Variants in CSMD1 observed in about 807,000 individuals in gnomAD.
CSMD1 encodes CUB and sushi domain-containing protein 1.
In CSMD1, 213 loss-of-function variants were observed where a neutral mutation model predicts 417.5. The ratio of observed to expected loss-of-function variants is 0.51; its 90% confidence interval spans 0.46 to 0.57. CSMD1 has a LOEUF of 0.57. Among genes scored for constraint, CSMD1 ranks in the 20% least tolerant of loss-of-function variants. CSMD1 has a pLI of 0.00. For missense variants in CSMD1, 6,923 were observed against 4,529.7 expected (o/e 1.53, Z -15.17); for synonymous variants, 2,862 against 1,736.8 (o/e 1.65, Z -16.11).
chr8:4,161,434 G>A (rs538585619), intron 3 of CSMD1, among the ~76,000 whole-genome samples: 1 of 152,144 alleles, frequency 6.6e-6, no homozygotes, highest in South Asian at 2.1e-4. Context: ...TTTTAGAAGA[G>A]AAAATTGAAA....
At chr8:4,129,141 T>C (rs1004880911) in intron 3 of CSMD1, among the ~76,000 whole-genome samples, 2 of 151,826 alleles carry the variant, frequency 1.3e-5, no homozygotes, top group African/African-American at 2.4e-5. Context: ...TTTTGTTTCA[T>C]CTGTACTTAT....
chr8:4,320,058 G>T (rs552659877), intron 3 of CSMD1, among the ~76,000 whole-genome samples: 5 of 152,100 alleles, frequency 3.3e-5, no homozygotes, highest in Non-Finnish European at 7.4e-5. Context: ...GTAAACAAAA[G>T]ACTTCGTTGG....
chr8:4,036,138 C>T (rs571617062), intron 3 of CSMD1, among the ~76,000 whole-genome samples: 7 of 152,242 alleles, frequency 4.6e-5, no homozygotes, highest in African/African-American at 7.2e-5. Flanking sequence ...ATCCTAGGTG[C>T]GTAGTAGGCC....
At chr8:4,567,947 A>C (rs1798692450) in intron 2 of CSMD1, among the ~76,000 whole-genome samples, 1 of 152,244 alleles carries the variant, frequency 6.6e-6, no homozygotes, top group South Asian at 2.1e-4. Context: ...TCCACGTAAC[A>C]GAGATTCTTA....
chr8:4,942,114 A>G (rs1205011543), intron 1 of CSMD1, among the ~76,000 whole-genome samples: 2 of 152,208 alleles, frequency 1.3e-5, no homozygotes, highest in East Asian at 3.9e-4. Flanking sequence ...CAATTCCTAA[A>G]TATTCTCTTC....
chr8:4,043,999 A>T lies in CSMD1; in HGVS notation c.416-11900T>A, dbSNP rs977649385. ...CTTTTAAATGCAACTGTAATGTCAG[A>T]AAGAAATAATTTTGGCAAAGCTTAA... On this transcript the variant is annotated intron_variant, in intron 3 of 69. Transcript: ENST00000635120. Among the ~76,000 whole-genome samples the T allele has an allele frequency of 1.3e-4, 19 of 150,768 alleles. 1 individual carries two copies. The highest frequency in any genetic ancestry group is 1.0e-3 in the Admixed American group (15 of 15,000).
chr8:4,423,373 A>C (rs1399002435), intron 2 of CSMD1, among the ~76,000 whole-genome samples: 2 of 152,120 alleles, frequency 1.3e-5, no homozygotes, highest in African/African-American at 4.8e-5. Context: ...TGCAAGGCAC[A>C]TAATGAACAT....
chr8:4,547,686 G>A (rs1011717489), intron 2 of CSMD1, among the ~76,000 whole-genome samples: 1 of 152,076 alleles, frequency 6.6e-6, no homozygotes, highest in African/African-American at 2.4e-5. Flanking sequence ...TATGAGAAAT[G>A]GTAAATTAAA....
chr8:3,605,953 T>C (rs1283705595), intron 8 of CSMD1, among the ~76,000 whole-genome samples: 1 of 152,166 alleles, frequency 6.6e-6, no homozygotes, highest in Non-Finnish European at 1.5e-5. Context: ...TTTAATCCAT[T>C]CAACAGAGGA....
At chr8:4,911,933 C>T (rs1805703094) in intron 1 of CSMD1, among the ~76,000 whole-genome samples, 1 of 151,788 alleles carries the variant, frequency 6.6e-6, no homozygotes, top group East Asian at 1.9e-4. Flanking sequence ...CATATTTTAG[C>T]TTGTACTATT....
At chr8:3,688,185 T>C (rs376897775) in intron 7 of CSMD1, among the ~76,000 whole-genome samples, 111 of 152,318 alleles carry the variant, frequency 7.3e-4, no homozygotes, top group Non-Finnish European at 1.4e-3. Flanking sequence ...TGGGCATAAA[T>C]TGGACACAAT....
intron 7 of CSMD1, among the ~76,000 whole-genome samples, chr8:3,645,865 T>C (rs984248274): frequency 1.3e-5 from 2 of 152,242 alleles, no homozygotes; most frequent in Admixed American, 1.3e-4. Context: ...AATGTTTTTA[T>C]ATACATAGGG....
intron 1 of CSMD1, among the ~76,000 whole-genome samples, chr8:4,656,788 G>A (rs866072601): frequency 5.9e-5 from 9 of 151,928 alleles, no homozygotes; most frequent in Middle Eastern, 3.2e-3. Flanking sequence ...AGAAAGGACC[G>A]TCCTGCGGGG....
chr8:4,747,398 G>A (rs1028880421), intron 1 of CSMD1, among the ~76,000 whole-genome samples: 1 of 152,076 alleles, frequency 6.6e-6, no homozygotes, highest in African/African-American at 2.4e-5. Context: ...CAACTAACAA[G>A]ATTGGTAAGA....
intron 1 of CSMD1, among the ~76,000 whole-genome samples, chr8:4,905,281 T>G (rs1308146011): frequency 6.6e-6 from 1 of 152,140 alleles, no homozygotes; most frequent in South Asian, 2.1e-4. Context: ...TTGCTGAAGT[T>G]TAGGGTGCCC....
chr8:3,276,022 C>T (rs976382581), intron 26 of CSMD1, among the ~76,000 whole-genome samples: 1 of 152,120 alleles, frequency 6.6e-6, no homozygotes, highest in Non-Finnish European at 1.5e-5. Context: ...TTAGAGTTTC[C>T]AGTTTTTCTG....
chr8:4,133,981 T>C (rs1803267096), intron 3 of CSMD1, among the ~76,000 whole-genome samples: 1 of 152,228 alleles, frequency 6.6e-6, no homozygotes. Flanking sequence ...AACTTCGGTT[T>C]TCTTATCCAT....
At chr8:3,826,484 A>T (rs1394293957) in intron 5 of CSMD1, among the ~76,000 whole-genome samples, 2 of 152,100 alleles carry the variant, frequency 1.3e-5, no homozygotes, top group African/African-American at 4.8e-5. Flanking sequence ...TCTCCTAGGC[A>T]GGGGGACCAT....
chr8:4,138,259 T>A (rs544801540), intron 3 of CSMD1, among the ~76,000 whole-genome samples: 1 of 150,052 alleles, frequency 6.7e-6, no homozygotes. Flanking sequence ...CCTTTTCTCC[T>A]GGCTATGCCA....
Sources: allele counts gnomAD v4.1 joint callset (sites outside exome capture counted in the v4.1 genomes callset), GRCh38; gene constraint gnomAD v4.1.1; transcripts MANE v1.5; gene names NCBI Gene and HGNC (gene_info 2026-07-23, HGNC 2026-07-21).